Variants in AUTS2 observed in about 807,000 individuals in gnomAD.
AUTS2 encodes activator of transcription and developmental regulator AUTS2, also known as autism susceptibility gene 2 protein.
A neutral mutation model predicts 112.4 loss-of-function variants in AUTS2; 17 were observed. The observed-to-expected ratio is 0.15, with a 90% CI of 0.10 to 0.23. AUTS2 has a LOEUF of 0.23. Ranked by LOEUF, AUTS2 falls within the 10% of genes least tolerant of loss-of-function variation. The pLI, the probability that AUTS2 is intolerant of heterozygous loss-of-function variation, is 1.00. For missense variants in AUTS2, 1,510 were observed against 1,701.6 expected (o/e 0.89, Z 1.98); for synonymous variants, 751 against 702.7 (o/e 1.07, Z -1.09).
chr7:70,127,438 A>G (rs1806037906), intron 3 of AUTS2, among the ~76,000 whole-genome samples: 1 of 152,060 alleles, frequency 6.6e-6, no homozygotes, highest in African/African-American at 2.4e-5. Context: ...CGCTTGGCCT[A>G]TTTTATTTCT....
At chr7:69,908,304 T>C (rs1240339454) in intron 2 of AUTS2, among the ~76,000 whole-genome samples, 2 of 152,200 alleles carry the variant, frequency 1.3e-5, no homozygotes, top group Non-Finnish European at 2.9e-5. Context: ...TGAGTTGCTG[T>C]TGGGTCCTAA....
chr7:69,921,638 G>T (rs1274058711), intron 2 of AUTS2, among the ~76,000 whole-genome samples: 2 of 151,638 alleles, frequency 1.3e-5, no homozygotes, highest in East Asian at 3.9e-4. Flanking sequence ...AGGCTTGGTG[G>T]TGTGTGCCTA....
In AUTS2 at chr7:70,497,177, G is replaced by GCA. The variant is rs1246463497; in HGVS notation, c.690+61408_690+61409dup. On this transcript the variant is annotated intron_variant, in intron 5 of 18. Coordinates refer to ENST00000342771, the MANE Select transcript of AUTS2 (RefSeq NM_015570.4). ...CCACTCACACACACCACGTACACAG[G>GCA]CACACACACACACCTCACACACATG... Among the ~76,000 whole-genome samples, 5 of 55,304 alleles carry GCA rather than the reference G, an allele frequency of 9.0e-5. 1 individual carries two copies. In the South Asian group the frequency reaches 2.7e-3, roughly 30 times the overall value. 36.3% of individuals were successfully genotyped at this position (55,304 alleles called of 152,430 possible).
intron 5 of AUTS2, among the ~76,000 whole-genome samples, chr7:70,684,540 G>A (rs990395528): frequency 4.0e-5 from 6 of 150,616 alleles, no homozygotes; most frequent in Non-Finnish European, 8.8e-5. Context: ...GTGATGTGGT[G>A]TGGTGTGGCG....
In AUTS2 at chr7:70,638,327, A is replaced by G. The variant is rs895356379; in HGVS notation, c.691-60242A>G. 3.3e-5 allele frequency among the ~76,000 whole-genome samples: 5 copies of G among 152,180 alleles called. 1 individual carries two copies. The highest frequency in any genetic ancestry group is 7.3e-5 in the Non-Finnish European group (5 of 68,034). ...AACAGTAAACCCCAGCTTGGGTACC[A>G]GGGAATGGCGCTTTCAGTTTTTAAT... On this transcript the variant is annotated intron_variant, in intron 5 of 18. Coordinates refer to ENST00000342771, the MANE Select transcript of AUTS2 (RefSeq NM_015570.4).
At chr7:69,689,400 G>GA (rs1378854797) in intron 1 of AUTS2, among the ~76,000 whole-genome samples, 9 of 139,692 alleles carry the variant, frequency 6.4e-5, no homozygotes, top group African/African-American at 2.4e-4. Context: ...GCCTAGGCTG[G>GA]AGTGCAGTGG....
intron 6 of AUTS2, among the ~76,000 whole-genome samples, chr7:70,739,002 CCTTTTTTTTTTTTTTTTTT>C (rs1393796129): frequency 1.2e-5 from 1 of 83,244 alleles, no homozygotes; most frequent in Non-Finnish European, 2.6e-5. Context: ...GGTTTTGAGG[CCTTTTTTTTTTTTTTTTTT>C]TTTTTTTTTT....
chr7:70,708,917 CTTTTTT>C (rs34290500), intron 6 of AUTS2, among the ~76,000 whole-genome samples: 1 of 134,662 alleles, frequency 7.4e-6, no homozygotes. Flanking sequence ...TGTTTAAATA[CTTTTTT>C]TTTTTTTTTT....
chr7:69,878,343 T>G (rs1793894737), intron 1 of AUTS2, among the ~76,000 whole-genome samples: 1 of 152,186 alleles, frequency 6.6e-6, no homozygotes, highest in Non-Finnish European at 1.5e-5. Context: ...CTGCAGCTGT[T>G]TTATGACTGC....
intron 4 of AUTS2, among the ~76,000 whole-genome samples, chr7:70,274,476 T>G (rs1472344187): frequency 6.6e-6 from 1 of 152,034 alleles, no homozygotes; most frequent in Non-Finnish European, 1.5e-5. Flanking sequence ...TGTATTTTTT[T>G]AGAGACAGGG....
At chr7:70,155,769 G>A (rs1807714507) in intron 4 of AUTS2, among the ~76,000 whole-genome samples, 1 of 152,050 alleles carries the variant, frequency 6.6e-6, no homozygotes, top group African/African-American at 2.4e-5. Flanking sequence ...CTCTACTAGG[G>A]TAACCAAGTA....
chr7:70,523,847 G>A lies in AUTS2; in HGVS notation c.690+88066G>A, dbSNP rs540414373. On this transcript the variant is annotated intron_variant, in intron 5 of 18. Coordinates refer to ENST00000342771, the MANE Select transcript of AUTS2 (RefSeq NM_015570.4). ...ACCTGAGCACTCCAGGCGAAAACCG[G>A]TGAATCAGCTCTAGAGGGTGGCTTA... is the stretch of plus-strand genomic sequence containing the variant. Among the ~76,000 whole-genome samples, 7 of 152,332 alleles carry A rather than the reference G, an allele frequency of 4.6e-5. No homozygotes were observed. The East Asian group carries it at 1.4e-3, about 29-fold the overall frequency.
chr7:70,504,434 G>C (rs1374777143), intron 5 of AUTS2, among the ~76,000 whole-genome samples: 1 of 150,854 alleles, frequency 6.6e-6, no homozygotes, highest in Non-Finnish European at 1.5e-5. Context: ...TTAGGTGCAG[G>C]TGTCAAACAT....
At chr7:70,307,988 C>G (rs767143622) in intron 4 of AUTS2, among the ~76,000 whole-genome samples, 15 of 152,228 alleles carry the variant, frequency 9.9e-5, no homozygotes, top group Non-Finnish European at 2.2e-4. Flanking sequence ...TTAGTCTTCT[C>G]TGCCTGCATG....
At chr7:69,627,120 G>A (rs188649791) in intron 1 of AUTS2, among the ~76,000 whole-genome samples, 1 of 152,260 alleles carries the variant, frequency 6.6e-6, no homozygotes, top group African/African-American at 2.4e-5. Context: ...ATGTTTAGAA[G>A]GAATGGGTTT....
chr7:70,715,501 TGTC>T (rs1373699331), intron 6 of AUTS2, among the ~76,000 whole-genome samples: 11 of 143,506 alleles, frequency 7.7e-5, no homozygotes, highest in East Asian at 2.2e-4. Context: ...GCATCCTGCC[TGTC>T]TTTTTTTCTT....
chr7:70,453,585 A>C (rs1397861952), intron 5 of AUTS2, among the ~76,000 whole-genome samples: 1 of 152,214 alleles, frequency 6.6e-6, no homozygotes, highest in Non-Finnish European at 1.5e-5. Flanking sequence ...ACTGGGCCAA[A>C]ATCAAGGCAT....
intron 5 of AUTS2, among the ~76,000 whole-genome samples, chr7:70,605,168 C>T (rs1298479279): frequency 6.6e-6 from 1 of 152,192 alleles, no homozygotes; most frequent in African/African-American, 2.4e-5. Flanking sequence ...TAAGGCTAAA[C>T]TTATACACAC....
chr7:69,662,587 G>A (rs927671064), intron 1 of AUTS2, among the ~76,000 whole-genome samples: 3 of 152,180 alleles, frequency 2.0e-5, no homozygotes, highest in African/African-American at 7.2e-5. Context: ...GGAAGCAGAG[G>A]TTAGCCATTA....
Sources: gnomAD v4.1 joint callset for allele counts (sites outside exome capture counted in the v4.1 genomes callset) on GRCh38, gnomAD v4.1.1 for gene constraint, MANE v1.5 for transcripts, NCBI Gene and HGNC (gene_info 2026-07-23, HGNC 2026-07-21) for gene names.